RILPL2: variants seen among roughly 807,000 people sequenced by gnomAD.
RILPL2 encodes RILP-like protein 2.
Under a neutral mutation model 22.2 loss-of-function variants are expected in RILPL2, and 19 were observed. The observed-to-expected ratio is 0.86, with a 90% CI of 0.60 to 1.25. The LOEUF is 1.25. Ranked by LOEUF, RILPL2 falls within the 50% of genes most tolerant of loss-of-function variation. RILPL2 has a pLI of 0.00. For synonymous variants in RILPL2, 123 were observed against 111.6 expected (o/e 1.10, Z -0.64); for missense variants, 243 against 263.6 (o/e 0.92, Z 0.54).
the RILPL2 span, chr12:123,409,467 C>T: frequency 0.02 from 3,103 of 152,044 alleles, 79 homozygotes; most frequent in Non-Finnish European, 0.024. Context: ...TGATTTTGAG[C>T]GTGTTTCCCA....
Position 123,430,099 on chromosome 12 carries a change from C to CAAAAA in RILPL2, c.491+404_491+408dup, listed in dbSNP as rs59871132. Among the ~76,000 whole-genome samples, 14 of 18,786 alleles carry CAAAAA rather than the reference C, an allele frequency of 7.5e-4. 6 individuals are homozygous for CAAAAA. The highest frequency in any genetic ancestry group is 2.1e-3 in the Admixed American group (2 of 942). The allele number at this position is 18,786 out of a possible 152,430, so 12.3% of individuals were successfully genotyped here. A position where few individuals can be genotyped will look rare whatever the true frequency, so the allele number is the denominator to read the frequency against. ...CCACTGGGCGACAGGGTGAGACCCT[C>CAAAAA]AAAAAAAAAAAAAAAAAAAAAAAAA... On this transcript the variant is annotated intron_variant, in intron 2 of 3. Transcript: ENST00000280571.
intron 3 of RILPL2, among the ~76,000 whole-genome samples, chr12:123,419,423 A>AC (rs1378741585): frequency 6.6e-6 from 1 of 152,252 alleles, no homozygotes; most frequent in Non-Finnish European, 1.5e-5. Flanking sequence ...TGGTGCACAG[A>AC]CATGAGGGAA....
chr12:123,434,789 C>T (rs1252657107), intron 1 of RILPL2, among the ~76,000 whole-genome samples: 5 of 151,964 alleles, frequency 3.3e-5, no homozygotes, highest in Admixed American at 3.3e-4. Context: ...TGGGACACTT[C>T]TAGCTCTCTA....
chr12:123,428,861 C>T (rs1188668897), intron 2 of RILPL2, among the ~76,000 whole-genome samples: 1 of 152,128 alleles, frequency 6.6e-6, no homozygotes, highest in East Asian at 1.9e-4. Context: ...TGGCACATGG[C>T]GAGTATCAAT....
chr12:123,422,005 C>CT (rs35786523), intron 3 of RILPL2, among the ~76,000 whole-genome samples: 3,657 of 132,320 alleles, frequency 0.028, 86 homozygotes, highest in Non-Finnish European at 0.033. Context: ...CTTTCTCTCT[C>CT]TTTTTTTTTT....
Position 123,436,614 on chromosome 12 carries a change from T to C in RILPL2, c.-194A>G. The C allele has an allele frequency of 1.1e-6, 1 of 900,374 alleles. No individual in the cohort carries two copies. The highest frequency in any genetic ancestry group is 1.8e-5 in the South Asian group (1 of 55,320). 55.8% of individuals were successfully genotyped at this position (900,374 alleles called of 1,614,324 possible). ...CTTGGGCCTGCGCCCCGGCGCACCG[T>C]CCCCGCTGCCAGCCACGCTGGAGAG... On this transcript the variant is annotated 5_prime_UTR_variant, in exon 1 of 4. Transcript: ENST00000280571. This position sits in a 1 kb window ranked among gnomAD's most constrained non-coding sequence, Gnocchi z 6.7.
Position 123,436,622 on chromosome 12 carries a change from G to T in RILPL2, c.-202C>A. 3 of 835,162 alleles carry T rather than the reference G, an allele frequency of 3.6e-6. No homozygotes were observed. Among genetic ancestry groups the T allele is most frequent in the Non-Finnish European group, 5.4e-6 (3 of 553,786 alleles). 51.7% of individuals were successfully genotyped at this position (835,162 alleles called of 1,614,324 possible). A position where few individuals can be genotyped will look rare whatever the true frequency, so the allele number is the denominator to read the frequency against. On this transcript the variant is annotated 5_prime_UTR_variant, in exon 1 of 4. Coordinates refer to ENST00000280571, the MANE Select transcript of RILPL2 (RefSeq NM_145058.3). This position sits in a 1 kb window ranked among gnomAD's most constrained non-coding sequence, Gnocchi z 6.7. ...TGCGCCCCGGCGCACCGTCCCCGCT[G>T]CCAGCCACGCTGGAGAGTGCGCTCC...
downstream of RILPL2, chr12:123,412,836 G>A (rs1055856194): frequency 6.6e-6 from 1 of 152,238 alleles, no homozygotes; most frequent in East Asian, 1.9e-4. Flanking sequence ...CCCGGGCCTT[G>A]GAATCAGGCC....
chr12:123,417,055 T>C (rs1879136332), intron 3 of RILPL2, among the ~76,000 whole-genome samples: 1 of 152,100 alleles, frequency 6.6e-6, no homozygotes, highest in Admixed American at 6.6e-5. Context: ...TCCTAGCACA[T>C]TGGGAGGCTG....
Position 123,434,398 on chromosome 12 carries a change from A to T in RILPL2, c.339+1684T>A, listed in dbSNP as rs1417490236. Reference sequence around the variant, plus strand: ...ACACCATGGTATTCCAGCCTGGATGACAGAGAAAGCTGTCCCCGCAAAAAA... The same window carrying T: ...ACACCATGGTATTCCAGCCTGGATGTCAGAGAAAGCTGTCCCCGCAAAAAA... On this transcript the variant is annotated intron_variant, in intron 1 of 3. Coordinates refer to ENST00000280571, the MANE Select transcript of RILPL2 (RefSeq NM_145058.3). Among the ~76,000 whole-genome samples, 4 of 151,674 alleles carry T rather than the reference A, an allele frequency of 2.6e-5. 1 individual carries two copies. The highest frequency in any genetic ancestry group is 2.6e-4 in the Admixed American group (4 of 15,196).
In RILPL2 at chr12:123,430,603, G is replaced by T; in HGVS notation, c.396C>A (p.Arg132=). 1 of 1,612,310 alleles carries T rather than the reference G, an allele frequency of 6.2e-7. No individual in the cohort carries two copies. Among genetic ancestry groups the T allele is most frequent in the East Asian group, 2.2e-5 (1 of 44,756 alleles). ...VVDLTDPNRP[R]FTLQELRDVL... ...CATCCCTTAGCTCCTGCAGAGTGAA[G>T]CGGGGTCGGTTGGGATCTGTCAGGT... The change falls in exon 2 of 4, where the codon CGC becomes CGA. Residue 132 remains arginine, a synonymous_variant. Transcript: ENST00000280571.
chr12:123,415,740 AACC>A lies in RILPL2; in HGVS notation c.*148_*150del, dbSNP rs780742815. On this transcript the variant is annotated 3_prime_UTR_variant, in exon 4 of 4. Coordinates refer to ENST00000280571, the MANE Select transcript of RILPL2 (RefSeq NM_145058.3). ...GCCAGGGAGAAAGTGATGCCAAGAG[AACC>A]TCGTCTCCTCCCTCCTCAGTCTGCT... is the stretch of plus-strand genomic sequence containing the variant. 5 of 788,462 alleles carry A rather than the reference AACC, an allele frequency of 6.3e-6. No individual in the cohort carries two copies. In the Admixed American group the frequency reaches 9.9e-5, roughly 16 times the overall value. The allele number at this position is 788,462 out of a possible 1,614,324, so 48.8% of individuals were successfully genotyped here.
At chr12:123,428,868 C>T (rs1879516536) in intron 2 of RILPL2, among the ~76,000 whole-genome samples, 1 of 152,156 alleles carries the variant, frequency 6.6e-6, no homozygotes, top group Non-Finnish European at 1.5e-5. Flanking sequence ...TGGCGAGTAT[C>T]AATAAATACT....
chr12:123,428,400 T>C (rs1879504348), intron 2 of RILPL2, among the ~76,000 whole-genome samples: 1 of 152,168 alleles, frequency 6.6e-6, no homozygotes, highest in African/African-American at 2.4e-5. Flanking sequence ...CCTCCCAAAG[T>C]GCTGGGATTA....
chr12:123,418,756 CTTTTTTTTTT>C (rs1202023726), intron 3 of RILPL2, among the ~76,000 whole-genome samples: 4 of 96,240 alleles, frequency 4.2e-5, no homozygotes, highest in Admixed American at 1.2e-4. Flanking sequence ...CTTTTTCTTT[CTTTTTTTTTT>C]TTTTTTTTTT....
At chr12:123,424,912 A>C (rs1025261792) in intron 2 of RILPL2, among the ~76,000 whole-genome samples, 4 of 149,772 alleles carry the variant, frequency 2.7e-5, no homozygotes, top group African/African-American at 1.0e-4. Flanking sequence ...GACAGAGTCT[A>C]GCTCTGTCAC....
At chr12:123,409,555 T>C in the RILPL2 span, among the ~76,000 whole-genome samples, 5 of 151,406 alleles carry the variant, frequency 3.3e-5, no homozygotes, top group Admixed American at 6.6e-5. Context: ...TAATGCTTTT[T>C]TTTTTTTTTT....
At chr12:123,414,309 C>G (rs1314798985), downstream of RILPL2, 1 of 154,310 alleles carries the variant, frequency 6.5e-6, no homozygotes, top group African/African-American at 2.4e-5. Flanking sequence ...CGCCGGTGGG[C>G]TGGCACTGCT....
At chr12:123,420,455 G>A (rs1386167666) in intron 3 of RILPL2, among the ~76,000 whole-genome samples, 1 of 147,858 alleles carries the variant, frequency 6.8e-6, no homozygotes, top group Non-Finnish European at 1.5e-5. Flanking sequence ...TATTTTTTTT[G>A]AGACAGAGTC....
Sources: gnomAD v4.1 joint callset for allele counts (sites outside exome capture counted in the v4.1 genomes callset) on GRCh38, gnomAD v4.1.1 for gene constraint, Gnocchi (gnomAD v3.1) non-coding constraint, MANE v1.5 for transcripts, NCBI Gene and HGNC (gene_info 2026-07-23, HGNC 2026-07-21) for gene names.